The following P3H2 variants were observed in gnomAD, a reference collection of about 807,000 sequenced individuals.
The protein encoded by P3H2 is prolyl 3-hydroxylase 2, also known as leprecan-like 1.
Under a neutral mutation model 87.0 loss-of-function variants are expected in P3H2, and 80 were observed. That is an observed-to-expected ratio of 0.92 (90% CI 0.77 to 1.11). P3H2 has a LOEUF of 1.11. Ranked by LOEUF, P3H2 falls within the 50% of genes least tolerant of loss-of-function variation. The pLI is 0.00. For synonymous variants in P3H2, 367 were observed against 359.3 expected (o/e 1.02, Z -0.24); for missense variants, 1,001 against 923.9 (o/e 1.08, Z -1.08).
chr3:190,118,925 G>A (rs1329160532), intron 1 of P3H2, among the ~76,000 whole-genome samples: 6 of 151,112 alleles, frequency 4.0e-5, no homozygotes, highest in Admixed American at 2.6e-4. Flanking sequence ...AAACCCCTTC[G>A]CTACTAAAAA....
Position 189,995,387 on chromosome 3 carries a change from G to T in P3H2, c.536C>A (p.Pro179His). 6.2e-7 allele frequency: 1 copy of T among 1,614,018 alleles called. No homozygotes were observed. The highest frequency in any genetic ancestry group is 1.3e-5 in the African/African-American group (1 of 74,988). Reference sequence around the variant, plus strand: ...GTTCTGCTGCATTTCCATGTGCTCAGGGTTAGCCACGAAAAATGTGTGAGC... The same window carrying T: ...GTTCTGCTGCATTTCCATGTGCTCATGGTTAGCCACGAAAAATGTGTGAGC... Reference protein sequence around the residue: ...EAAHTFFVANPEHMEMQQNIE... With the variant: ...EAAHTFFVANHEHMEMQQNIE... The change falls in exon 2 of 15, where the codon CCT (proline) becomes CAT (histidine). Residue 179 changes from proline (P) to histidine (H), a missense_variant. Pro to His is a moderately conservative substitution (Grantham distance 77). Transcript: ENST00000319332.
intron 1 of P3H2, among the ~76,000 whole-genome samples, chr3:190,004,378 T>A (rs1371339234): frequency 6.6e-6 from 1 of 152,170 alleles, no homozygotes; most frequent in East Asian, 1.9e-4. Context: ...ATACAAACGA[T>A]AATTTATTTG....
chr3:190,037,948 C>T (rs1038432967), intron 1 of P3H2, among the ~76,000 whole-genome samples: 1 of 152,150 alleles, frequency 6.6e-6, no homozygotes, highest in Admixed American at 6.5e-5. Flanking sequence ...TAAGTTGAAA[C>T]TTCTCCACTG....
chr3:190,046,386 C>T (rs919277492), intron 1 of P3H2, among the ~76,000 whole-genome samples: 31 of 152,182 alleles, frequency 2.0e-4, no homozygotes, highest in Non-Finnish European at 3.5e-4. Context: ...GTGACCCATA[C>T]AATATGGTTT....
At chr3:190,079,792 A>G (rs1443114888) in intron 1 of P3H2, among the ~76,000 whole-genome samples, 1 of 152,204 alleles carries the variant, frequency 6.6e-6, no homozygotes, top group African/African-American at 2.4e-5. Flanking sequence ...CTCAAAGCAG[A>G]TAGAACTGAC....
At chr3:190,106,452 C>T (rs753558353) in intron 1 of P3H2, among the ~76,000 whole-genome samples, 1 of 152,096 alleles carries the variant, frequency 6.6e-6, no homozygotes, top group Non-Finnish European at 1.5e-5. Flanking sequence ...ATTTTCTCCA[C>T]TTACCATGAT....
chr3:190,075,953 C>A (rs1305921811), intron 1 of P3H2, among the ~76,000 whole-genome samples: 3 of 152,136 alleles, frequency 2.0e-5, no homozygotes, highest in Non-Finnish European at 2.9e-5. Flanking sequence ...GTATCAACTA[C>A]CTTTCAGAAA....
At chr3:190,109,831 C>T (rs1438555984) in intron 1 of P3H2, among the ~76,000 whole-genome samples, 1 of 147,944 alleles carries the variant, frequency 6.8e-6, no homozygotes, top group African/African-American at 2.6e-5. Context: ...AACCATCTAA[C>T]CTTGATGCCC....
chr3:189,985,200 T>C (rs923488924), intron 6 of P3H2, among the ~76,000 whole-genome samples: 1 of 151,994 alleles, frequency 6.6e-6, no homozygotes, highest in Admixed American at 6.6e-5. Flanking sequence ...TTTATAAATG[T>C]ATTAACTTGT....
At chr3:190,101,670 A>G (rs1168207427) in intron 1 of P3H2, among the ~76,000 whole-genome samples, 1 of 152,160 alleles carries the variant, frequency 6.6e-6, no homozygotes, top group Non-Finnish European at 1.5e-5. Flanking sequence ...CATAAACATG[A>G]AAGTGCAAGA....
chr3:190,090,429 C>T (rs1041592946), intron 1 of P3H2, among the ~76,000 whole-genome samples: 2 of 150,860 alleles, frequency 1.3e-5, no homozygotes, highest in African/African-American at 5.0e-5. Flanking sequence ...ATTGGCCGCG[C>T]ACGGTGGCTC....
At chr3:190,036,701 A>C in intron 1 of P3H2, among the ~76,000 whole-genome samples, 1 of 152,082 alleles carries the variant, frequency 6.6e-6, no homozygotes, top group Non-Finnish European at 1.5e-5. Flanking sequence ...CTTTGACTTC[A>C]ATTATAAGGA....
chr3:190,080,518 A>C (rs1219356631), intron 1 of P3H2, among the ~76,000 whole-genome samples: 2 of 151,978 alleles, frequency 1.3e-5, no homozygotes, highest in Non-Finnish European at 2.9e-5. Flanking sequence ...CTCCTGCTTC[A>C]GCCTCCCGAG....
intron 13 of P3H2, among the ~76,000 whole-genome samples, chr3:189,966,548 G>A (rs182554713): frequency 1.6e-3 from 249 of 152,294 alleles, no homozygotes; most frequent in Non-Finnish European, 1.7e-3. Context: ...GGTATTTGGA[G>A]GAATAAACAA....
chr3:190,057,164 C>T (rs1392498691), intron 1 of P3H2, among the ~76,000 whole-genome samples: 1 of 152,176 alleles, frequency 6.6e-6, no homozygotes, highest in Non-Finnish European at 1.5e-5. Context: ...TCTTCTTATC[C>T]TGCTTCTTTT....
chr3:189,977,816 C>G lies in P3H2; in HGVS notation c.1325-3131G>C, dbSNP rs558042915. 4.6e-5 allele frequency among the ~76,000 whole-genome samples: 7 copies of G among 151,664 alleles called. No homozygotes were observed. The South Asian group carries it at 6.3e-4, about 14-fold the overall frequency. Reference sequence around the variant, plus strand: ...TTATTTTTTTATTTTCAGGGTCTTGCCCAGGCTGGTCTTCAACTCCTGGAC... The same window carrying G: ...TTATTTTTTTATTTTCAGGGTCTTGGCCAGGCTGGTCTTCAACTCCTGGAC... On this transcript the variant is annotated intron_variant, in intron 8 of 14. Coordinates refer to ENST00000319332, the MANE Select transcript of P3H2 (RefSeq NM_018192.4).
chr3:189,970,097 TTGTGTG>T (rs36166104), intron 13 of P3H2, among the ~76,000 whole-genome samples: 2 of 141,458 alleles, frequency 1.4e-5, no homozygotes, highest in African/African-American at 5.3e-5. Context: ...GTTTACATAT[TTGTGTG>T]TGTGTGTGTG....
intron 13 of P3H2, chr3:189,969,633 T>C (rs1723110233): frequency 8.4e-7 from 1 of 1,189,694 alleles, no homozygotes; most frequent in Admixed American, 1.7e-5. Context: ...GCCCAGATGG[T>C]CGCCTGGTAG....
chr3:190,043,762 G>C (rs1560376469), intron 1 of P3H2, among the ~76,000 whole-genome samples: 1 of 152,150 alleles, frequency 6.6e-6, no homozygotes, highest in Non-Finnish European at 1.5e-5. Context: ...AATAATGAGA[G>C]TAGGAATTAT....
Sources: gnomAD v4.1 joint callset for allele counts (sites outside exome capture counted in the v4.1 genomes callset) on GRCh38, gnomAD v4.1.1 for gene constraint, MANE v1.5 for transcripts, NCBI Gene and HGNC (gene_info 2026-07-23, HGNC 2026-07-21) for gene names.